Variants in SOX5 observed in about 807,000 individuals in gnomAD.
The protein encoded by SOX5 is transcription factor SOX-5.
SOX5 carries 9 observed loss-of-function variants against 92.0 expected under a neutral mutation model. That is an observed-to-expected ratio of 0.10 (90% CI 0.06 to 0.17). The LOEUF (loss-of-function observed/expected upper bound fraction) is 0.17, where lower values mean the gene tolerates loss of function less well. SOX5 is among the 10% of genes least tolerant of loss of function. The pLI, the probability that SOX5 is intolerant of heterozygous loss-of-function variation, is 1.00. For missense variants in SOX5, 642 were observed against 944.5 expected (o/e 0.68, Z 4.20); for synonymous variants, 344 against 336.3 (o/e 1.02, Z -0.25).
chr12:23,570,818 G>A (rs1948054164), intron 10 of SOX5, among the ~76,000 whole-genome samples: 1 of 148,906 alleles, frequency 6.7e-6, no homozygotes, highest in Non-Finnish European at 1.5e-5. Flanking sequence ...GGCTGAGACA[G>A]GGGAATGGCG....
At chr12:24,237,966 G>A (rs1015546670) in intron 3 of SOX5, 1 of 152,128 alleles carries the variant, frequency 6.6e-6, no homozygotes, top group South Asian at 2.1e-4. Flanking sequence ...CATGGTAACT[G>A]AGAAACTGAG....
In SOX5 at chr12:23,531,656, AT is replaced by A. The variant is rs1237203666; in HGVS notation, c.*2562del. 1 of 152,120 alleles carries A rather than the reference AT, an allele frequency of 6.6e-6. No individual in the cohort carries two copies. Among genetic ancestry groups the A allele is most frequent in the Non-Finnish European group, 1.5e-5 (1 of 68,022 alleles). The allele number at this position is 152,120 out of a possible 1,614,324, so 9.4% of individuals were successfully genotyped here. On this transcript the variant is annotated 3_prime_UTR_variant, in exon 15 of 15. Coordinates refer to ENST00000451604, the MANE Select transcript of SOX5 (RefSeq NM_006940.6). Reference sequence around the variant, plus strand: ...AAAAATGATATAAAAACAAGTGTCTATTTTTTCCTTATCCAGAGTGCTTAAA... The same window carrying A: ...AAAAATGATATAAAAACAAGTGTCTATTTTTCCTTATCCAGAGTGCTTAAA...
chr12:23,687,400 T>C (rs939662438), intron 6 of SOX5, among the ~76,000 whole-genome samples: 2 of 152,158 alleles, frequency 1.3e-5, no homozygotes, highest in South Asian at 4.1e-4. Context: ...CACGATATTA[T>C]ACTAAATAAA....
chr12:23,763,850 G>A (rs2094632959), intron 3 of SOX5, among the ~76,000 whole-genome samples: 1 of 152,016 alleles, frequency 6.6e-6, no homozygotes, highest in Admixed American at 6.6e-5. Flanking sequence ...ACTGAGCCCT[G>A]TCCTTTATCA....
rs767395740 is a variant in SOX5, at chr12:23,543,112, G to A, written c.1771+99C>T. 5.9e-4 allele frequency: 545 copies of A among 921,550 alleles called. 2 individuals are homozygous for A. The highest frequency in any genetic ancestry group is 6.3e-4 in the Non-Finnish European group (384 of 614,076). 57.1% of individuals were successfully genotyped at this position (921,550 alleles called of 1,614,324 possible). A position where few individuals can be genotyped will look rare whatever the true frequency, so the allele number is the denominator to read the frequency against. ...TATTTTCTGGATAAGCAAATAACAC[G>A]ACCTGTATGGCCTCCAAATCCAGGA... On this transcript the variant is annotated intron_variant, in intron 13 of 14. Coordinates refer to ENST00000451604, the MANE Select transcript of SOX5 (RefSeq NM_006940.6).
intron 3 of SOX5, among the ~76,000 whole-genome samples, chr12:23,817,272 G>C (rs987769329): frequency 5.9e-5 from 9 of 152,064 alleles, no homozygotes; most frequent in African/African-American, 2.2e-4. Context: ...TCATAATCTT[G>C]ACTCAACTTT....
At chr12:23,850,377 C>G (rs1426922384) in intron 2 of SOX5, among the ~76,000 whole-genome samples, 2 of 148,260 alleles carry the variant, frequency 1.3e-5, no homozygotes, top group South Asian at 2.1e-4. Flanking sequence ...TGCAGAGAGC[C>G]AAGATTGCGC....
At chr12:24,280,820 A>G (rs1194145216) in intron 2 of SOX5, among the ~76,000 whole-genome samples, 1 of 144,048 alleles carries the variant, frequency 6.9e-6, no homozygotes, top group Non-Finnish European at 1.5e-5. Flanking sequence ...TATCATTTAC[A>G]AAGTATTAAG....
chr12:23,869,439 T>C (rs1392856517), intron 2 of SOX5, among the ~76,000 whole-genome samples: 1 of 152,152 alleles, frequency 6.6e-6, no homozygotes, highest in Non-Finnish European at 1.5e-5. Context: ...TTCATGACTT[T>C]GCTTAAATAT....
chr12:24,119,335 T>A (rs901855929), intron 4 of SOX5, among the ~76,000 whole-genome samples: 1 of 152,110 alleles, frequency 6.6e-6, no homozygotes, highest in Non-Finnish European at 1.5e-5. Flanking sequence ...ATTCTCACCA[T>A]CAACATTGGG....
chr12:23,598,435 G>C (rs1240055162), intron 9 of SOX5, among the ~76,000 whole-genome samples: 1 of 115,226 alleles, frequency 8.7e-6, no homozygotes, highest in Admixed American at 1.3e-4. Context: ...GTCTCCCTCT[G>C]TTGCCCAGGC....
chr12:24,050,756 T>C (rs1184073388), intron 4 of SOX5, among the ~76,000 whole-genome samples: 1 of 152,198 alleles, frequency 6.6e-6, no homozygotes, highest in Admixed American at 6.5e-5. Context: ...TGCTACCTTT[T>C]ATGATTGTTA....
chr12:24,311,970 T>C (rs946732999), intron 2 of SOX5, among the ~76,000 whole-genome samples: 2 of 152,240 alleles, frequency 1.3e-5, no homozygotes, highest in African/African-American at 2.4e-5. Context: ...ACAAGAGTTT[T>C]ATGAAATTCC....
intron 1 of SOX5, among the ~76,000 whole-genome samples, chr12:24,476,882 G>T (rs1053047835): frequency 6.6e-6 from 1 of 151,200 alleles, no homozygotes; most frequent in Non-Finnish European, 1.5e-5. Context: ...TGAGAATTTG[G>T]CTGAGCATCG....
chr12:23,612,485 C>T (rs998924132), intron 8 of SOX5, among the ~76,000 whole-genome samples: 7 of 152,088 alleles, frequency 4.6e-5, no homozygotes, highest in Admixed American at 3.9e-4. Context: ...TATAGACTTA[C>T]ATCTTCTAAA....
At chr12:23,640,086 G>C (rs112496385) in intron 8 of SOX5, among the ~76,000 whole-genome samples, 1 of 152,104 alleles carries the variant, frequency 6.6e-6, no homozygotes, top group Non-Finnish European at 1.5e-5. Flanking sequence ...GGTCCATACC[G>C]ATAGAAACTA....
At chr12:24,473,614 C>G (rs761198455) in intron 1 of SOX5, among the ~76,000 whole-genome samples, 2 of 152,120 alleles carry the variant, frequency 1.3e-5, no homozygotes, top group African/African-American at 2.4e-5. Flanking sequence ...TGCTCCAGAT[C>G]AAACAACCAA....
At chr12:24,490,228 G>A (rs1410297529) in intron 1 of SOX5, among the ~76,000 whole-genome samples, 1 of 152,204 alleles carries the variant, frequency 6.6e-6, no homozygotes, top group Admixed American at 6.5e-5. Flanking sequence ...AGCAAGAAAA[G>A]TATCCATGGC....
intron 6 of SOX5, among the ~76,000 whole-genome samples, chr12:23,729,593 T>C (rs190053539): frequency 7.9e-5 from 12 of 152,172 alleles, no homozygotes; most frequent in African/African-American, 2.4e-4. Context: ...TCAGAAACAA[T>C]GACAGGAGAT....
Sources: gnomAD v4.1 joint callset for allele counts (sites outside exome capture counted in the v4.1 genomes callset) on GRCh38, gnomAD v4.1.1 for gene constraint, MANE v1.5 for transcripts, NCBI Gene and HGNC (gene_info 2026-07-23, HGNC 2026-07-21) for gene names.